Variants in NPR3 observed in about 807,000 individuals in gnomAD.
NPR3 encodes the protein atrial natriuretic peptide receptor 3.
In NPR3, 34 loss-of-function variants were observed where a neutral mutation model predicts 54.5. The observed-to-expected ratio is 0.62, with a 90% CI of 0.47 to 0.83. NPR3 has a LOEUF of 0.83. Ranked by LOEUF, NPR3 falls within the 40% of genes least tolerant of loss-of-function variation. The pLI, the probability that NPR3 is intolerant of heterozygous loss-of-function variation, is 0.00. For missense variants in NPR3, 674 were observed against 720.8 expected (o/e 0.94, Z 0.74); for synonymous variants, 289 against 297.1 (o/e 0.97, Z 0.28).
At chr5:32,727,895 A>T (rs1739219027) in intron 2 of NPR3, among the ~76,000 whole-genome samples, 1 of 152,170 alleles carries the variant, frequency 6.6e-6, no homozygotes, top group Non-Finnish European at 1.5e-5. Flanking sequence ...CAGGGGTGAT[A>T]CTTTAAATTT....
chr5:32,711,234 A>G (rs1458538518), upstream of NPR3: 1 of 288,916 alleles, frequency 3.5e-6, no homozygotes, highest in African/African-American at 2.6e-5. Context: ...CCCGCTGGAA[A>G]CACAAGCCCG....
chr5:32,767,760 C>T (rs949330001), intron 3 of NPR3, among the ~76,000 whole-genome samples: 1 of 151,792 alleles, frequency 6.6e-6, no homozygotes, highest in African/African-American at 2.4e-5. Flanking sequence ...AAAAAAAAAG[C>T]CATCCATATA....
chr5:32,734,269 G>C (rs1237952255), intron 2 of NPR3, among the ~76,000 whole-genome samples: 1 of 152,200 alleles, frequency 6.6e-6, no homozygotes, highest in Non-Finnish European at 1.5e-5. Flanking sequence ...CCACAGTACT[G>C]TGGGGCCAGG....
In NPR3 at chr5:32,789,908, A is replaced by T; in HGVS notation, c.*3563A>T. 2.6e-6 allele frequency: 1 copy of T among 381,918 alleles called. No individual in the cohort carries two copies. Among genetic ancestry groups the T allele is most frequent in the South Asian group, 2.2e-5 (1 of 45,784 alleles). 23.7% of individuals were successfully genotyped at this position (381,918 alleles called of 1,614,324 possible). On this transcript the variant is annotated 3_prime_UTR_variant, in exon 8 of 8. Coordinates refer to ENST00000265074, the MANE Select transcript of NPR3 (RefSeq NM_001204375.2). ...ATTATGCCACTGTGAGTGTTTATAAACTGGAAGGAACAAGTACCTGTGTTT... is the reference window on the plus strand; with the variant it reads ...ATTATGCCACTGTGAGTGTTTATAATCTGGAAGGAACAAGTACCTGTGTTT...
At chr5:32,771,422 T>C (rs1010687559) in intron 3 of NPR3, among the ~76,000 whole-genome samples, 2 of 152,224 alleles carry the variant, frequency 1.3e-5, no homozygotes, top group African/African-American at 4.8e-5. Flanking sequence ...GTCTATTTCC[T>C]TCTACCATTA....
chr5:32,786,567 T>C lies in NPR3; in HGVS notation c.*222T>C. The C allele has an allele frequency of 1.9e-6, 1 of 516,610 alleles. No homozygotes were observed. The highest frequency in any genetic ancestry group is 3.4e-6 in the Non-Finnish European group (1 of 298,066). The allele number at this position is 516,610 out of a possible 1,614,324, so 32.0% of individuals were successfully genotyped here. On this transcript the variant is annotated 3_prime_UTR_variant, in exon 8 of 8. Coordinates refer to ENST00000265074, the MANE Select transcript of NPR3 (RefSeq NM_001204375.2). ...ACAAACAAATATAATAATGATATCG[T>C]GTCACTCTGTTAAATGTTCATACTG...
rs202240206 is a variant in NPR3, at chr5:32,760,125, G to GT, written c.1060-14572dup. ...TTTATCTATTCTTCTGTTGATGGAT[G>GT]TTTTTTTTTTTCCAGTTTGGAACTA... On this transcript the variant is annotated intron_variant, in intron 3 of 7. Transcript: ENST00000265074. Among the ~76,000 whole-genome samples, 107 of 145,862 alleles carry GT rather than the reference G, an allele frequency of 7.3e-4. 1 individual carries two copies. Among genetic ancestry groups the GT allele is most frequent in the African/African-American group, 1.2e-3 (46 of 39,892 alleles).
chr5:32,726,232 G>A (rs3792760), intron 2 of NPR3, among the ~76,000 whole-genome samples: 39 of 152,212 alleles, frequency 2.6e-4, no homozygotes, highest in Admixed American at 1.4e-3. Context: ...CATACTCCCC[G>A]GTTTCCTGCC....
At chr5:32,755,315 A>G (rs1740780611) in intron 3 of NPR3, among the ~76,000 whole-genome samples, 1 of 152,212 alleles carries the variant, frequency 6.6e-6, no homozygotes, top group Non-Finnish European at 1.5e-5. Flanking sequence ...CTGTATGTTC[A>G]AGAATTCCTT....
Position 32,711,699 on chromosome 5 carries a change from G to T in NPR3, c.-78G>T. ...GCGCAGGGACCTTGGAGAGAAGAGT[G>T]GGGAGGAAAGAGGAAGGGTGGGTGG... On this transcript the variant is annotated 5_prime_UTR_variant, in exon 1 of 8. Transcript: ENST00000265074. 1.4e-6 allele frequency: 2 copies of T among 1,384,810 alleles called. No homozygotes were observed. Among genetic ancestry groups the T allele is most frequent in the Non-Finnish European group, 1.9e-6 (2 of 1,072,352 alleles). The allele number at this position is 1,384,810 out of a possible 1,614,324, so 85.8% of individuals were successfully genotyped here. A position where few individuals can be genotyped will look rare whatever the true frequency, so the allele number is the denominator to read the frequency against.
At position 32,696,089 on chromosome 5, in the gene NPR3, T is replaced by C. The variant is rs115103405; in HGVS notation, c.100+6903T>C. Among the ~76,000 whole-genome samples the C allele has an allele frequency of 3.4e-3, 512 of 152,304 alleles. 1 individual carries two copies. Among genetic ancestry groups the C allele is most frequent in the African/African-American group, 0.011 (466 of 41,560 alleles). Reference sequence around the variant, plus strand: ...TGCTTGTGGGGTATTACTCAAGAAATCTTTGTCCATACCAATGTCCTGGAT... The same window carrying C: ...TGCTTGTGGGGTATTACTCAAGAAACCTTTGTCCATACCAATGTCCTGGAT... On this transcript the variant is annotated intron_variant, in intron 1 of 5. Coordinates refer to the NPR3 transcript ENST00000509104.
intron 3 of NPR3, among the ~76,000 whole-genome samples, chr5:32,755,556 A>C (rs1206804838): frequency 6.6e-6 from 1 of 152,210 alleles, no homozygotes; most frequent in African/African-American, 2.4e-5. Flanking sequence ...TGGTGGGTCA[A>C]AATAGATGAG....
chr5:32,757,560 A>G (rs1227946198), intron 3 of NPR3, among the ~76,000 whole-genome samples: 1 of 152,116 alleles, frequency 6.6e-6, no homozygotes, highest in Non-Finnish European at 1.5e-5. Context: ...GGACAGTTTG[A>G]CTTCCTCTTT....
chr5:32,721,626 C>T (rs748548568), intron 1 of NPR3, among the ~76,000 whole-genome samples: 8 of 152,146 alleles, frequency 5.3e-5, no homozygotes, highest in Non-Finnish European at 1.0e-4. Flanking sequence ...GTCCGGGTGA[C>T]AGAGTGAGAG....
At chr5:32,757,016 A>G (rs1740880619) in intron 3 of NPR3, among the ~76,000 whole-genome samples, 1 of 152,158 alleles carries the variant, frequency 6.6e-6, no homozygotes, top group Non-Finnish European at 1.5e-5. Context: ...GCCTTGTAGT[A>G]TAGTTTGAAG....
chr5:32,712,161 G>C lies in NPR3; in HGVS notation c.385G>C (p.Asp129His). Residue 129 changes from aspartate to histidine, a missense_variant, in exon 1 of 8, where the codon GAC (aspartate) becomes CAC (histidine). Transcript: ENST00000265074. ...GGCGGCGGCGCGGGGCGCCAAGCCA[G>C]ACCTTATCCTGGGGCCAGTGTGCGA... ...RVAAARGAKP[D>H]LILGPVCEYA... The C allele has an allele frequency of 6.2e-7, 1 of 1,613,334 alleles. No homozygotes were observed.
At chr5:32,719,937 C>T (rs1273089684) in intron 1 of NPR3, among the ~76,000 whole-genome samples, 1 of 152,098 alleles carries the variant, frequency 6.6e-6, no homozygotes, top group Non-Finnish European at 1.5e-5. Flanking sequence ...TCCCTCTTTT[C>T]CTTCTAAATT....
At chr5:32,724,915 C>T in intron 2 of NPR3, 95 bp downstream of exon 2, 2 of 1,325,126 alleles carry the variant, frequency 1.5e-6, no homozygotes, top group South Asian at 2.5e-5. Context: ...ATATGTGGTA[C>T]ATAAACACCA....
rs776322148 is a variant in NPR3, at chr5:32,786,361, T to G, written c.*16T>G. 8 of 1,076,108 alleles carry G rather than the reference T, an allele frequency of 7.4e-6. No homozygotes were observed. Among genetic ancestry groups the G allele is most frequent in the Non-Finnish European group, 1.1e-5 (8 of 714,436 alleles). 66.7% of individuals were successfully genotyped at this position (1,076,108 alleles called of 1,614,324 possible). ...AGTAGCTTAAAGGAAGCCCCCCACT[T>G]TTTTTTTTTCTGCCTGAGATTCTTT... On this transcript the variant is annotated 3_prime_UTR_variant, in exon 8 of 8. Coordinates refer to ENST00000265074, the MANE Select transcript of NPR3 (RefSeq NM_001204375.2).
Sources: allele counts gnomAD v4.1 joint callset (sites outside exome capture counted in the v4.1 genomes callset), GRCh38; gene constraint gnomAD v4.1.1; transcripts MANE v1.5; gene names NCBI Gene and HGNC (gene_info 2026-07-23, HGNC 2026-07-21).